The following OVCH2 variants were observed in gnomAD, a reference collection of about 807,000 sequenced individuals.
OVCH2 encodes the protein ovochymase 2, also known as ovochymase-2.
Under a neutral mutation model 73.7 loss-of-function variants are expected in OVCH2, and 88 were observed. That is an observed-to-expected ratio of 1.19 (90% CI 1.01 to 1.43). The LOEUF (loss-of-function observed/expected upper bound fraction) is 1.43. Among genes scored for constraint, OVCH2 ranks in the 40% most tolerant of loss-of-function variants. OVCH2 has a pLI of 0.00. For missense variants in OVCH2, 706 were observed against 674.5 expected (o/e 1.05, Z -0.52); for synonymous variants, 265 against 234.5 (o/e 1.13, Z -1.19).
chr11:7,702,407 C>T (rs1856461722), intron 3 of OVCH2, 78 bp from the exon 4 acceptor site: 3 of 1,113,322 alleles, frequency 2.7e-6, no homozygotes, highest in Middle Eastern at 4.9e-4. Context: ...ACACTAGCTT[C>T]TTTAAAATGA....
rs763144787 is a variant in OVCH2 at position 7,690,059 on chromosome 11, C to T, written c.1640-46G>A. 2.3e-6 allele frequency: 3 copies of T among 1,309,256 alleles called. No individual in the cohort carries two copies. In the South Asian group the frequency reaches 3.8e-5, roughly 17 times the overall value. The allele number at this position is 1,309,256 out of a possible 1,614,324, so 81.1% of individuals were successfully genotyped here. On this transcript the variant is annotated intron_variant, in intron 14 of 15. Coordinates refer to ENST00000533663, the MANE Select transcript of OVCH2 (RefSeq NM_198185.7). ...ATTACTCAGTTTCCACAAAGACAGCCAGGGTTGGAGATTTATCAGAAAATG... is the reference window on the plus strand; with the variant it reads ...ATTACTCAGTTTCCACAAAGACAGCTAGGGTTGGAGATTTATCAGAAAATG...
chr11:7,697,161 C>T (rs562313734), intron 8 of OVCH2, among the ~76,000 whole-genome samples: 14 of 152,238 alleles, frequency 9.2e-5, no homozygotes, highest in African/African-American at 2.4e-4. Flanking sequence ...TTCAGCCTGT[C>T]GGGCAGCTGA....
At chr11:7,696,409 C>A (rs568749959) in intron 10 of OVCH2, 56 bp downstream of exon 10, 12 of 1,604,432 alleles carry the variant, frequency 7.5e-6, no homozygotes, top group Middle Eastern at 1.7e-4. Context: ...GATAACTAGG[C>A]CTCATTAAGC....
intron 14 of OVCH2, among the ~76,000 whole-genome samples, chr11:7,690,829 C>G (rs570149322): frequency 6.6e-6 from 1 of 151,970 alleles, no homozygotes; most frequent in African/African-American, 2.4e-5. Flanking sequence ...AAAATGGCCC[C>G]AAGCATAGTG....
At chr11:7,705,030 C>A (rs1027488271) in intron 1 of OVCH2, among the ~76,000 whole-genome samples, 3 of 152,122 alleles carry the variant, frequency 2.0e-5, no homozygotes, top group African/African-American at 7.2e-5. Flanking sequence ...AAGAGGTAGA[C>A]TAGATTAAAG....
downstream of OVCH2, among the ~76,000 whole-genome samples, chr11:7,688,936 A>G (rs1007413528): frequency 6.6e-6 from 1 of 152,194 alleles, no homozygotes; most frequent in African/African-American, 2.4e-5. Context: ...ATTGCCACTG[A>G]ATTATTCACT....
At chr11:7,690,062 G>A in intron 14 of OVCH2, 49 bp from the exon 15 acceptor site, 1 of 1,280,100 alleles carries the variant, frequency 7.8e-7, no homozygotes, top group South Asian at 1.3e-5. Context: ...AGACAGCCAG[G>A]GTTGGAGATT....
the OVCH2 span, among the ~76,000 whole-genome samples, chr11:7,679,479 C>T: frequency 6.6e-6 from 1 of 152,170 alleles, no homozygotes; most frequent in African/African-American, 2.4e-5. Context: ...GCAGTTTCCC[C>T]ATGCTGTTCT....
chr11:7,681,310 C>G, the OVCH2 span, among the ~76,000 whole-genome samples: 1 of 152,316 alleles, frequency 6.6e-6, no homozygotes, highest in African/African-American at 2.4e-5. Context: ...CTAAGAAGCA[C>G]TATAGACAGG....
intron 13 of OVCH2, 59 bp from the exon 14 acceptor site, chr11:7,691,459 T>A (rs1565165891): frequency 2.7e-5 from 41 of 1,543,092 alleles, no homozygotes; most frequent in Non-Finnish European, 3.5e-5. Context: ...AGCCATGGCA[T>A]TGGAGAGAAG....
downstream of OVCH2, among the ~76,000 whole-genome samples, chr11:7,688,833 A>G (rs1005403272): frequency 6.6e-6 from 1 of 152,174 alleles, no homozygotes; most frequent in Non-Finnish European, 1.5e-5. Flanking sequence ...GAACTTCTCA[A>G]TGCTCATTGG....
At chr11:7,704,759 G>C (rs1335268269) in intron 1 of OVCH2, 85 bp from the exon 2 acceptor site, 2 of 855,168 alleles carry the variant, frequency 2.3e-6, no homozygotes, top group Non-Finnish European at 3.8e-6. Context: ...ATGAAACTGA[G>C]TCTGAGACTA....
At chr11:7,703,922 G>C in intron 2 of OVCH2, 133 bp from the exon 3 acceptor site, 2 of 752,890 alleles carry the variant, frequency 2.7e-6, no homozygotes. Context: ...ACTGTGAAAA[G>C]ATAAAGCCCA....
In OVCH2 at chr11:7,695,715, A is replaced by G. The variant is rs750939925; in HGVS notation, c.1142-5T>C. 1 of 1,590,580 alleles carries G rather than the reference A, an allele frequency of 6.3e-7. No homozygotes were observed. The highest frequency in any genetic ancestry group is 8.5e-7 in the Non-Finnish European group (1 of 1,174,948). The stretch of plus-strand genomic sequence containing the variant: ...GGCTTTCTCCACAAAATTTTCCTGC[A>G]GGATGAGAAAAAAGGATTCTTTGTT... On this transcript the variant is annotated splice_region_variant and splice_polypyrimidine_tract_variant and intron_variant, in intron 10 of 15. Transcript: ENST00000533663.
At position 7,690,032 on chromosome 11, in the gene OVCH2, C is replaced by T. The variant is rs891255842; in HGVS notation, c.1640-19G>A. On this transcript the variant is annotated intron_variant, in intron 14 of 15. Transcript: ENST00000533663. ...GGGTATACTGGGTATAAGTATGATA[C>T]AATTACTCAGTTTCCACAAAGACAG... is the stretch of plus-strand genomic sequence containing the variant. 1.4e-6 allele frequency: 2 copies of T among 1,449,240 alleles called. No homozygotes were observed. Among genetic ancestry groups the T allele is most frequent in the Non-Finnish European group, 1.9e-6 (2 of 1,070,110 alleles). The allele number at this position is 1,449,240 out of a possible 1,614,324, so 89.8% of individuals were successfully genotyped here.
At chr11:7,687,880 T>C (rs2136148044), downstream of OVCH2, among the ~76,000 whole-genome samples, 1 of 152,266 alleles carries the variant, frequency 6.6e-6, no homozygotes, top group Admixed American at 6.5e-5. Flanking sequence ...TCTTGTTTTA[T>C]CCTCACAAAG....
At chr11:7,680,503 G>C in the OVCH2 span, among the ~76,000 whole-genome samples, 1 of 152,244 alleles carries the variant, frequency 6.6e-6, no homozygotes, top group South Asian at 2.1e-4. Context: ...CTTTATAAGA[G>C]AGTCACAGTA....
chr11:7,682,753 T>C, the OVCH2 span, among the ~76,000 whole-genome samples: 1 of 152,240 alleles, frequency 6.6e-6, no homozygotes, highest in African/African-American at 2.4e-5. Flanking sequence ...CTGTAATTTC[T>C]GCCATGTTTT....
At chr11:7,693,463 A>G (rs769494764) in intron 12 of OVCH2, among the ~76,000 whole-genome samples, 12 of 152,194 alleles carry the variant, frequency 7.9e-5, no homozygotes, top group Non-Finnish European at 1.3e-4. Flanking sequence ...TGATGCTGTC[A>G]CTGGCAGAGT....
Sources: allele counts gnomAD v4.1 joint callset (sites outside exome capture counted in the v4.1 genomes callset), GRCh38; gene constraint gnomAD v4.1.1; transcripts MANE v1.5; gene names NCBI Gene and HGNC (gene_info 2026-07-23, HGNC 2026-07-21).